Variants in MARCHF6 observed in about 807,000 individuals in gnomAD.
MARCHF6 encodes membrane associated ring-CH-type finger 6, also known as E3 ubiquitin-protein ligase MARCHF6.
MARCHF6 carries 31 observed loss-of-function variants against 133.7 expected under a neutral mutation model. The ratio of observed to expected loss-of-function variants is 0.23; its 90% CI spans 0.17 to 0.31. The LOEUF is 0.31. MARCHF6 is among the 10% of genes least tolerant of loss of function. The probability of loss-of-function intolerance (pLI) is 1.00; values close to 1 mark genes in which losing one functional copy is unlikely to be tolerated. For synonymous variants in MARCHF6, 395 were observed against 402.5 expected, an observed-to-expected ratio of 0.98 and a Z score of 0.22; for missense variants, 723 against 1,121.6, an observed-to-expected ratio of 0.64 and a Z score of 5.08.
intron 24 of MARCHF6, among the ~76,000 whole-genome samples, chr5:10,427,380 G>A (rs539277021): frequency 4.6e-5 from 7 of 152,020 alleles, no homozygotes; most frequent in Non-Finnish European, 1.0e-4. Flanking sequence ...TTTTTCATTG[G>A]TTCCTCTGTG....
chr5:10,433,947 T>C lies in MARCHF6; in HGVS notation c.*263T>C. The stretch of plus-strand genomic sequence containing the variant: ...ACCTTGGATTAAACAGAATGTGCAT[T>C]GTACATCTTTAAACAAAATGTATAT... On this transcript the variant is annotated 3_prime_UTR_variant, in exon 26 of 26. Coordinates refer to ENST00000274140, the MANE Select transcript of MARCHF6 (RefSeq NM_005885.4). The C allele has an allele frequency of 2.4e-6, 1 of 410,316 alleles. No homozygotes were observed. Among genetic ancestry groups the C allele is most frequent in the Non-Finnish European group, 4.5e-6 (1 of 223,692 alleles). The allele number at this position is 410,316 out of a possible 1,614,324, so 25.4% of individuals were successfully genotyped here. A position where few individuals can be genotyped will look rare whatever the true frequency, so the allele number is the denominator to read the frequency against.
At chr5:10,398,741 A>T (rs560676437) in intron 10 of MARCHF6, among the ~76,000 whole-genome samples, 2 of 152,212 alleles carry the variant, frequency 1.3e-5, no homozygotes, top group Non-Finnish European at 2.9e-5. Context: ...AATCTAAGTA[A>T]AGCTTTTTCT....
intron 9 of MARCHF6, among the ~76,000 whole-genome samples, chr5:10,396,273 A>C (rs1037960456): frequency 6.6e-6 from 1 of 152,176 alleles, no homozygotes; most frequent in African/African-American, 2.4e-5. Flanking sequence ...CAGTGACAAA[A>C]AGTGTGCATA....
Position 10,402,595 on chromosome 5 carries a change from T to C in MARCHF6, c.1185T>C (p.Asp395=), listed in dbSNP as rs906023386. Residue 395 remains aspartate (D), a synonymous_variant, in exon 14 of 26, where the codon GAT becomes GAC. Transcript: ENST00000274140. ...CTCTCATTTGTGGTTGGTGGCTGGATATCTGTTCCTTGGTAAGTTGAGTAT... is the reference window on the plus strand; with the variant it reads ...CTCTCATTTGTGGTTGGTGGCTGGACATCTGTTCCTTGGTAAGTTGAGTAT... The part of the protein sequence containing the change: ...VFPLICGWWL[D]ICSLEMFDAT... 2 of 1,613,242 alleles carry C rather than the reference T, an allele frequency of 1.2e-6. No homozygotes were observed. Among genetic ancestry groups the C allele is most frequent in the Admixed American group, 1.7e-5 (1 of 60,004 alleles).
intron 1 of MARCHF6, among the ~76,000 whole-genome samples, chr5:10,360,370 C>T (rs1231872165): frequency 6.6e-6 from 1 of 151,764 alleles, no homozygotes; most frequent in Non-Finnish European, 1.5e-5. Context: ...AACTCCTGAC[C>T]TCAGGTGATC....
chr5:10,384,869 C>G (rs938396058), intron 4 of MARCHF6, among the ~76,000 whole-genome samples: 4 of 152,144 alleles, frequency 2.6e-5, no homozygotes, highest in Non-Finnish European at 5.9e-5. Flanking sequence ...AGAACAAGAA[C>G]TTTCTGTTCA....
chr5:10,405,817 G>C (rs531138705), intron 16 of MARCHF6, 140 bp downstream of exon 16: 1 of 630,922 alleles, frequency 1.6e-6, no homozygotes, highest in African/African-American at 1.9e-5. Flanking sequence ...GTGGTATTCA[G>C]TTGTCAAGTA....
Position 10,433,842 on chromosome 5 carries a change from G to A in MARCHF6, c.*158G>A. ...TCAGAGAGCAGCGGTGTAAGATTCT[G>A]CTGTTCTCCCTGGATCTTCTGACAT... On this transcript the variant is annotated 3_prime_UTR_variant, in exon 26 of 26. Coordinates refer to ENST00000274140, the MANE Select transcript of MARCHF6 (RefSeq NM_005885.4). 1 of 630,442 alleles carries A rather than the reference G, an allele frequency of 1.6e-6. No homozygotes were observed. The highest frequency in any genetic ancestry group is 2.8e-6 in the Non-Finnish European group (1 of 352,576). The allele number at this position is 630,442 out of a possible 1,614,324, so 39.1% of individuals were successfully genotyped here.
Position 10,407,207 on chromosome 5 carries a change from G to T in MARCHF6, c.1553+5G>T. 6.4e-7 allele frequency: 1 copy of T among 1,552,448 alleles called. No individual in the cohort carries two copies. The highest frequency in any genetic ancestry group is 2.3e-5 in the East Asian group (1 of 44,124). The stretch of plus-strand genomic sequence containing the variant: ...ATACAATGTCATGCTCTACAGGTAA[G>T]TTTTAAAAATTTAGAATAGCTTTAC... On this transcript the variant is annotated splice_donor_5th_base_variant and intron_variant, in intron 17 of 25. Transcript: ENST00000274140.
intron 18 of MARCHF6, among the ~76,000 whole-genome samples, chr5:10,410,582 T>G (rs554708161): frequency 6.6e-5 from 10 of 152,266 alleles, no homozygotes; most frequent in African/African-American, 2.2e-4. Flanking sequence ...TACCTTTATT[T>G]AGACCAACTA....
At position 10,414,490 on chromosome 5, in the gene MARCHF6, C is replaced by G. The variant is rs769081879; in HGVS notation, c.1954C>G (p.Leu652Val). 1 of 1,612,456 alleles carries G rather than the reference C, an allele frequency of 6.2e-7. No individual in the cohort carries two copies. Among genetic ancestry groups the G allele is most frequent in the East Asian group, 2.2e-5 (1 of 44,852 alleles). ...ATTACTGATTGCCAGCCTCATCTGCCTTACTTTACCAGGTATGAGCTTGTG... is the reference window on the plus strand; with the variant it reads ...ATTACTGATTGCCAGCCTCATCTGCGTTACTTTACCAGGTATGAGCTTGTG... ...ITLLIASLIC[L>V]TLPVFAGRWL... Residue 652 changes from leucine to valine, a missense_variant, in exon 20 of 26, where the codon CTT becomes GTT. Leu to Val is a conservative substitution (Grantham distance 32). This residue lies in a region of MARCHF6 where 492 missense variants were observed against 699.5 expected (regional missense o/e 0.70). Transcript: ENST00000274140.
Position 10,381,943 on chromosome 5 carries a change from T to C in MARCHF6, c.334T>C (p.Cys112Arg). The change falls in exon 4 of 26, where the codon TGC becomes CGC. Residue 112 changes from cysteine (C) to arginine (R), a missense_variant and splice_region_variant. Around this residue, in one of 4 missense-constraint regions of MARCHF6, gnomAD observed 91 missense variants for 208.8 expected, o/e 0.44. Coordinates refer to ENST00000274140, the MANE Select transcript of MARCHF6 (RefSeq NM_005885.4). Reference protein sequence around the residue: ...AWLGVVPLTACRIYKCLFTGS... With the variant: ...AWLGVVPLTARRIYKCLFTGS... ...GTTGGGAGTTGTTCCTCTTACAGCA[T>C]GTGAGTATTCATGCCTCTGATTGGA... The C allele has an allele frequency of 1.2e-6, 2 of 1,612,752 alleles. No homozygotes were observed. The highest frequency in any genetic ancestry group is 1.3e-5 in the African/African-American group (1 of 75,012).
intron 4 of MARCHF6, among the ~76,000 whole-genome samples, chr5:10,384,783 C>T (rs564722574): frequency 1.3e-5 from 2 of 152,314 alleles, no homozygotes; most frequent in Admixed American, 1.3e-4. Context: ...CTTTAGAAAA[C>T]TGGCAGTATC....
chr5:10,389,346 T>G (rs985755323), intron 5 of MARCHF6, among the ~76,000 whole-genome samples: 2 of 152,214 alleles, frequency 1.3e-5, no homozygotes, highest in African/African-American at 4.8e-5. Context: ...GTTGAGAAAC[T>G]AATACACTTT....
intron 7 of MARCHF6, among the ~76,000 whole-genome samples, chr5:10,391,972 T>C (rs1186683733): frequency 6.6e-6 from 1 of 151,668 alleles, no homozygotes; most frequent in Non-Finnish European, 1.5e-5. Flanking sequence ...TTTTTTTTTT[T>C]TTGGGAGACT....
rs370705552 is a variant in MARCHF6, at chr5:10,392,437, G to T, written c.766+706G>T. ...GAAAAAGAATCTTGAAGTTTATACT[G>T]CAGACAAGATGCCATCTAAATAAAT... On this transcript the variant is annotated intron_variant, in intron 7 of 25. Transcript: ENST00000274140. Among the ~76,000 whole-genome samples the T allele has an allele frequency of 5.3e-5, 8 of 152,136 alleles. No individual in the cohort carries two copies. The South Asian group carries it at 1.7e-3, about 31-fold the overall frequency.
chr5:10,398,593 T>A (rs186972200), intron 10 of MARCHF6, among the ~76,000 whole-genome samples: 17 of 152,254 alleles, frequency 1.1e-4, no homozygotes, highest in Admixed American at 1.0e-3. Context: ...TGCATTTTTT[T>A]TTTTTGAGAG....
chr5:10,415,681 T>TAA lies in MARCHF6; in HGVS notation c.2148+13_2148+14dup. The stretch of plus-strand genomic sequence containing the variant: ...AGTGGTCTCTCATGGTATGTGTGTG[T>TAA]AATACAAGACTGATCTTGTATGTTA... On this transcript the variant is annotated intron_variant, in intron 21 of 25. Coordinates refer to ENST00000274140, the MANE Select transcript of MARCHF6 (RefSeq NM_005885.4). The TAA allele has an allele frequency of 6.2e-7, 1 of 1,611,302 alleles. No individual in the cohort carries two copies. The highest frequency in any genetic ancestry group is 8.5e-7 in the Non-Finnish European group (1 of 1,177,956).
intron 17 of MARCHF6, among the ~76,000 whole-genome samples, chr5:10,407,731 A>T (rs1579595044): frequency 6.6e-6 from 1 of 152,226 alleles, no homozygotes; most frequent in South Asian, 2.1e-4. Context: ...AGGCAGGCGG[A>T]TCACCTGAGA....
Sources: gnomAD v4.1 joint callset for allele counts (sites outside exome capture counted in the v4.1 genomes callset) on GRCh38, gnomAD v4.1.1 for gene constraint, gnomAD v4.1.1 regional missense constraint, MANE v1.5 for transcripts, NCBI Gene and HGNC (gene_info 2026-07-23, HGNC 2026-07-21) for gene names.